The following NAV2 variants were observed in gnomAD, a reference collection of about 807,000 sequenced individuals.
NAV2 encodes the protein helicase, APC down-regulated 1.
Under a neutral mutation model 223.2 loss-of-function variants are expected in NAV2, and 54 were observed. That is an observed-to-expected ratio of 0.24 (90% confidence interval 0.19 to 0.30). NAV2 has a LOEUF of 0.30. Among genes scored for constraint, NAV2 ranks in the 10% least tolerant of loss-of-function variants. The pLI, the probability that NAV2 is intolerant of heterozygous loss-of-function variation, is 1.00. For synonymous variants in NAV2, 1,279 were observed against 1,239.3 expected, an observed-to-expected ratio of 1.03 and a Z score of -0.67; for missense variants, 2,806 against 3,147.5, an observed-to-expected ratio of 0.89 and a Z score of 2.60.
At chr11:19,653,489 T>G (rs975986835) in intron 1 of NAV2, among the ~76,000 whole-genome samples, 19 of 152,290 alleles carry the variant, frequency 1.2e-4, no homozygotes, top group African/African-American at 3.4e-4. Context: ...GCTAATACTA[T>G]TCCCATTTTG....
At chr11:19,579,893 A>G (rs987087337) in intron 1 of NAV2, among the ~76,000 whole-genome samples, 1 of 152,184 alleles carries the variant, frequency 6.6e-6, no homozygotes, top group African/African-American at 2.4e-5. Context: ...CTTAAGTGGA[A>G]AGTACTATAA....
chr11:19,984,721 G>A (rs1360265456), intron 11 of NAV2, among the ~76,000 whole-genome samples: 1 of 152,184 alleles, frequency 6.6e-6, no homozygotes, highest in Non-Finnish European at 1.5e-5. Context: ...AAGGACATGG[G>A]TTTAGACACC....
chr11:19,647,488 CATT>C (rs1418958958), intron 1 of NAV2, among the ~76,000 whole-genome samples: 1 of 152,098 alleles, frequency 6.6e-6, no homozygotes, highest in African/African-American at 2.4e-5. Flanking sequence ...CCCTCATCCT[CATT>C]ATAACTCTGT....
rs4757006 is a variant in NAV2, at chr11:19,561,329, C to T, written c.75+210302C>T. Among the ~76,000 whole-genome samples the T allele has an allele frequency of 3.7e-4, 56 of 152,116 alleles. 1 individual carries two copies. The highest frequency in any genetic ancestry group is 1.4e-3 in the Admixed American group (21 of 15,280). On this transcript the variant is annotated intron_variant, in intron 1 of 37. Coordinates refer to the NAV2 transcript ENST00000360655. The stretch of plus-strand genomic sequence containing the variant: ...TCCTAACCAGTCACGGAGAGTCGGG[C>T]GGGAAACCAGGGAAGGGGGACACTG...
chr11:19,739,657 C>T (rs546117129), intron 1 of NAV2, among the ~76,000 whole-genome samples: 2 of 152,234 alleles, frequency 1.3e-5, no homozygotes, highest in East Asian at 3.9e-4. Flanking sequence ...CAGTATCCAC[C>T]ATGCTCATAT....
intron 1 of NAV2, among the ~76,000 whole-genome samples, chr11:19,597,999 A>G (rs2046250548): frequency 6.6e-6 from 1 of 152,264 alleles, no homozygotes; most frequent in Non-Finnish European, 1.5e-5. Flanking sequence ...ACCACGGGGC[A>G]GCTGGCCTCC....
chr11:20,108,642 G>A (rs192969613), intron 36 of NAV2, among the ~76,000 whole-genome samples: 1 of 148,262 alleles, frequency 6.7e-6, no homozygotes, highest in Non-Finnish European at 1.5e-5. Flanking sequence ...AGTAGATACG[G>A]TGTTTCACCA....
chr11:19,921,979 G>A (rs892087501), intron 6 of NAV2, among the ~76,000 whole-genome samples: 7 of 152,116 alleles, frequency 4.6e-5, no homozygotes, highest in Non-Finnish European at 5.9e-5. Context: ...GAAAATTTTT[G>A]TCCAATAAAA....
chr11:19,654,607 A>T (rs1590042638), intron 1 of NAV2, among the ~76,000 whole-genome samples: 2 of 152,230 alleles, frequency 1.3e-5, no homozygotes, highest in Admixed American at 1.3e-4. Flanking sequence ...AACTATCTGA[A>T]CTTTGACAAA....
chr11:19,570,229 G>A (rs1156931565), intron 1 of NAV2, among the ~76,000 whole-genome samples: 1 of 152,198 alleles, frequency 6.6e-6, no homozygotes, highest in Non-Finnish European at 1.5e-5. Flanking sequence ...GCATGGCTGT[G>A]TGTCATTAGG....
intron 36 of NAV2, among the ~76,000 whole-genome samples, chr11:20,110,387 A>C (rs987370201): frequency 6.6e-6 from 1 of 152,158 alleles, no homozygotes; most frequent in Non-Finnish European, 1.5e-5. Context: ...GTTTTGAAGG[A>C]ACATTTGGTG....
chr11:20,027,524 A>G (rs887876237), intron 11 of NAV2: 12 of 920,424 alleles, frequency 1.3e-5, no homozygotes, highest in African/African-American at 3.6e-5. Context: ...TCACCTGGAA[A>G]GAGGCAGACA....
chr11:19,449,902 T>C (rs1347516056), intron 1 of NAV2, among the ~76,000 whole-genome samples: 1 of 147,276 alleles, frequency 6.8e-6, no homozygotes, highest in Non-Finnish European at 1.5e-5. Context: ...CGTGGCTTCA[T>C]TCGGTTATGG....
Position 20,045,282 on chromosome 11 carries a change from G to T in NAV2, c.3514G>T (p.Ala1172Ser). The T allele has an allele frequency of 1.2e-6, 2 of 1,614,184 alleles. No homozygotes were observed. The highest frequency in any genetic ancestry group is 1.3e-5 in the African/African-American group (1 of 75,046). Residue 1172 changes from alanine to serine, a missense_variant, in exon 14 of 38, where the codon GCT (alanine) becomes TCT (serine). Ala to Ser is a moderately conservative substitution (Grantham distance 99, BLOSUM62 1). Transcript: ENST00000349880. ...SAGRKSSMDG[A>S]QNQDDGYLAL... The stretch of plus-strand genomic sequence containing the variant: ...TGGTCGGAAGTCAAGTATGGATGGG[G>T]CTCAGAATCAGGATGACGGGTATCT...
At chr11:19,846,223 C>T (rs2060799988) in intron 3 of NAV2, among the ~76,000 whole-genome samples, 1 of 152,158 alleles carries the variant, frequency 6.6e-6, no homozygotes, top group Non-Finnish European at 1.5e-5. Context: ...ATCATGGATC[C>T]CACAGAGGAA....
rs562638173 is a variant in NAV2, at chr11:19,995,583, G to A, written c.2768+11336G>A. Among the ~76,000 whole-genome samples the A allele has an allele frequency of 2.5e-4, 38 of 152,270 alleles. 1 individual carries two copies. Among genetic ancestry groups the A allele is most frequent in the African/African-American group, 8.2e-4 (34 of 41,580 alleles). On this transcript the variant is annotated intron_variant, in intron 11 of 37. Coordinates refer to ENST00000349880, the MANE Select transcript of NAV2 (RefSeq NM_145117.5). ...GTTGTTGCTGATGGCAGGTAAAGAA[G>A]AATGTCTGGACCTGAAGAACCAGAA...
chr11:19,995,029 T>C (rs1228708535), intron 11 of NAV2, among the ~76,000 whole-genome samples: 2 of 152,206 alleles, frequency 1.3e-5, no homozygotes, highest in African/African-American at 4.8e-5. Context: ...TATTTGGTGA[T>C]GATTATGAAT....
intron 1 of NAV2, among the ~76,000 whole-genome samples, chr11:19,803,330 G>T (rs2058372950): frequency 6.6e-6 from 1 of 152,196 alleles, no homozygotes; most frequent in African/African-American, 2.4e-5. Context: ...ACTCCCTCTG[G>T]TGAGTATCTG....
intron 6 of NAV2, among the ~76,000 whole-genome samples, chr11:19,908,320 G>T (rs1219069225): frequency 6.6e-6 from 1 of 152,150 alleles, no homozygotes; most frequent in Non-Finnish European, 1.5e-5. Context: ...TAACACTGTG[G>T]TGGGGTGGGA....
Sources: allele counts gnomAD v4.1 joint callset (sites outside exome capture counted in the v4.1 genomes callset), GRCh38; gene constraint gnomAD v4.1.1; transcripts MANE v1.5; gene names NCBI Gene and HGNC (gene_info 2026-07-23, HGNC 2026-07-21).